Variants in PNKP observed in about 807,000 individuals in gnomAD.
PNKP encodes polynucleotide kinase 3'-phosphatase.
Under a neutral mutation model 66.2 loss-of-function variants are expected in PNKP, and 82 were observed. The ratio of observed to expected loss-of-function variants is 1.24; its 90% CI spans 1.04 to 1.49. The LOEUF is 1.49. Among genes scored for constraint, PNKP ranks in the 40% most tolerant of loss-of-function variants. PNKP has a pLI of 0.00. For missense variants in PNKP, 907 were observed against 706.8 expected (o/e 1.28, Z -3.21); for synonymous variants, 412 against 298.9 (o/e 1.38, Z -3.90).
At position 49,862,570 on chromosome 19, in the gene PNKP, T is replaced by G; in HGVS notation, c.904A>C (p.Lys302Gln). 6.2e-7 allele frequency: 1 copy of G among 1,612,962 alleles called. No individual in the cohort carries two copies. Among genetic ancestry groups the G allele is most frequent in the Non-Finnish European group, 8.5e-7 (1 of 1,179,466 alleles). Residue 302 changes from lysine to glutamine, a missense_variant, in exon 10 of 17, where the codon AAG (lysine) becomes CAG (glutamine). Physicochemically the swap from Lys to Gln is moderately conservative, Grantham distance 53. Transcript: ENST00000322344. ...TCGGCGCAGGAGAAGTCTTTCTTCT[T>G]CCGCCCCGGGGCCCAGTTGGCCGGG... Reference protein sequence around the residue: ...GRPANWAPGRKKKDFSCADRL... With the variant: ...GRPANWAPGRQKKDFSCADRL...
In PNKP at chr19:49,861,610, G is replaced by C; in HGVS notation, c.1384C>G (p.Arg462Gly). ...ATLEQARHNN[R>G]FREMTDSSHI... The stretch of plus-strand genomic sequence containing the variant: ...GTGTCCGGGCTGAGCGGGCTCACCC[G>C]GTTGTTGTGGCGCGCCTGCTCCAGA... Residue 462 changes from arginine (R) to glycine (G), a missense_variant and splice_region_variant, in exon 15 of 17, where the codon CGG (arginine) becomes GGG (glycine). Coordinates refer to ENST00000322344, the MANE Select transcript of PNKP (RefSeq NM_007254.4). The C allele has an allele frequency of 6.4e-7, 1 of 1,557,776 alleles. No individual in the cohort carries two copies. Among genetic ancestry groups the C allele is most frequent in the Non-Finnish European group, 8.7e-7 (1 of 1,151,742 alleles).
rs1181436747 is a variant in PNKP, at chr19:49,865,302, T to C, written c.323A>G (p.Glu108Gly). Reference protein sequence around the residue: ...GLHPLTLRWEETRTPESQPDT... With the variant: ...GLHPLTLRWEGTRTPESQPDT... ...TGGCTGGGATTCTGGTGTGCGGGTCTCTTCCCAGCGCAGGGTCAGTGGGTG... is the reference window on the plus strand; with the variant it reads ...TGGCTGGGATTCTGGTGTGCGGGTCCCTTCCCAGCGCAGGGTCAGTGGGTG... The change falls in exon 4 of 17, where the codon GAG becomes GGG. Residue 108 changes from glutamate (E) to glycine (G), a missense_variant. Coordinates refer to ENST00000322344, the MANE Select transcript of PNKP (RefSeq NM_007254.4). 1 of 1,614,088 alleles carries C rather than the reference T, an allele frequency of 6.2e-7. No homozygotes were observed. Among genetic ancestry groups the C allele is most frequent in the Non-Finnish European group, 8.5e-7 (1 of 1,180,050 alleles).
chr19:49,862,283 T>TGCGAG lies in PNKP; in HGVS notation c.1030-7_1030-3dup, dbSNP rs2074778286. 6.3e-7 allele frequency: 1 copy of TGCGAG among 1,587,118 alleles called. No individual in the cohort carries two copies. Among genetic ancestry groups the TGCGAG allele is most frequent in the Non-Finnish European group, 8.6e-7 (1 of 1,167,012 alleles). The stretch of plus-strand genomic sequence containing the variant: ...AGGCCCTGAGCGGGAGACAGTCCTC[T>TGCGAG]GCGAGGGGCGGGGGACACGCGTGAG... On this transcript the variant is annotated splice_polypyrimidine_tract_variant and splice_region_variant and intron_variant, in intron 11 of 16. Coordinates refer to ENST00000322344, the MANE Select transcript of PNKP (RefSeq NM_007254.4).
chr19:49,864,217 G>C lies in PNKP; in HGVS notation c.598C>G (p.Pro200Ala). 1 of 1,614,192 alleles carries C rather than the reference G, an allele frequency of 6.2e-7. No homozygotes were observed. Among genetic ancestry groups the C allele is most frequent in the Non-Finnish European group, 8.5e-7 (1 of 1,180,032 alleles). Reference sequence around the variant, plus strand: ...GCTTCCAGCTCTCGGAGCTTACGGGGAATCTCTGGGTACAAGATCCTACGG... The same window carrying C: ...GCTTCCAGCTCTCGGAGCTTACGGGCAATCTCTGGGTACAAGATCCTACGG... Reference protein sequence around the residue: ...SDWRILYPEIPRKLRELEAEG... With the variant: ...SDWRILYPEIARKLRELEAEG... The change falls in exon 6 of 17, where the codon CCC becomes GCC. Residue 200 changes from proline (P) to alanine (A), a missense_variant. By Grantham distance (27) the Pro-to-Ala change is conservative (BLOSUM62 -1). Transcript: ENST00000322344.
In PNKP at chr19:49,867,047, C is replaced by T; in HGVS notation, c.151+7G>A. The T allele has an allele frequency of 1.9e-6, 3 of 1,613,738 alleles. No homozygotes were observed. The highest frequency in any genetic ancestry group is 2.5e-6 in the Non-Finnish European group (3 of 1,179,776). On this transcript the variant is annotated splice_region_variant and intron_variant, in intron 2 of 16. Coordinates refer to ENST00000322344, the MANE Select transcript of PNKP (RefSeq NM_007254.4). ...GCCACACCCCCTCCAGCTCAGGCCCCGCTCACCTTGAGTTCTGGAGCACTT... is the reference window on the plus strand; with the variant it reads ...GCCACACCCCCTCCAGCTCAGGCCCTGCTCACCTTGAGTTCTGGAGCACTT...
Position 49,864,214 on chromosome 19 carries a change from G to A in PNKP, c.601C>T (p.Arg201Cys), listed in dbSNP as rs1456488135. Residue 201 changes from arginine (R) to cysteine (C), a missense_variant, in exon 6 of 17, where the codon CGT becomes TGT. Coordinates refer to ENST00000322344, the MANE Select transcript of PNKP (RefSeq NM_007254.4). ...DWRILYPEIP[R>C]KLRELEAEGY... Reference sequence around the variant, plus strand: ...TCGGCTTCCAGCTCTCGGAGCTTACGGGGAATCTCTGGGTACAAGATCCTA... The same window carrying A: ...TCGGCTTCCAGCTCTCGGAGCTTACAGGGAATCTCTGGGTACAAGATCCTA... 8.7e-6 allele frequency: 14 copies of A among 1,614,038 alleles called. No homozygotes were observed. Among genetic ancestry groups the A allele is most frequent in the African/African-American group, 1.3e-5 (1 of 74,924 alleles).
chr19:49,862,243 C>A lies in PNKP; in HGVS notation c.1068G>T (p.Glu356Asp). Residue 356 changes from glutamate (E) to aspartate (D), a missense_variant, in exon 12 of 17, where the codon GAG becomes GAT. Coordinates refer to ENST00000322344, the MANE Select transcript of PNKP (RefSeq NM_007254.4). ...GGCTGGCGCTCAGGAGGGCCCTGGACTCGGGGAGGCAGAGAGGCCCTGAGC... is the reference window on the plus strand; with the variant it reads ...GGCTGGCGCTCAGGAGGGCCCTGGAATCGGGGAGGCAGAGAGGCCCTGAGC... ...VSRSGPLCLP[E>D]SRALLSASPE... is the part of the protein sequence containing the mutation. 1 of 1,610,490 alleles carries A rather than the reference C, an allele frequency of 6.2e-7. No homozygotes were observed. Among genetic ancestry groups the A allele is most frequent in the Non-Finnish European group, 8.5e-7 (1 of 1,178,558 alleles).
In PNKP at chr19:49,865,275, T is replaced by A; in HGVS notation, c.350A>T (p.Asp117Val). The A allele has an allele frequency of 1.2e-6, 2 of 1,614,212 alleles. No homozygotes were observed. The highest frequency in any genetic ancestry group is 1.7e-5 in the Admixed American group (1 of 60,030). Residue 117 changes from aspartate to valine, a missense_variant, in exon 4 of 17, where the codon GAT becomes GTT. Physicochemically the swap from Asp to Val is radical, Grantham distance 152. Coordinates refer to ENST00000322344, the MANE Select transcript of PNKP (RefSeq NM_007254.4). ...EETRTPESQP[D>V]TPPGTPLVSQ... ...CACCAGAGGGGTGCCAGGCGGAGTA[T>A]CTGGCTGGGATTCTGGTGTGCGGGT...
intron 8 of PNKP, 26 bp from the exon 9 acceptor site, chr19:49,862,764 CCTTCCCACAAA>C: frequency 6.2e-7 from 1 of 1,613,652 alleles, no homozygotes; most frequent in Admixed American, 1.7e-5. Flanking sequence ...GTGAGGAGGC[CCTTCCCACAAA>C]TGTCCCCCCG....
rs1464543100 is a variant in PNKP, at chr19:49,864,309, T to A, written c.578+15A>T. The stretch of plus-strand genomic sequence containing the variant: ...CTCCAGGCCTCACTCACTCCCTTGT[T>A]TTGCCTCTTATCACCTCCAGTCACT... On this transcript the variant is annotated intron_variant, in intron 5 of 16. Transcript: ENST00000322344. 1 of 1,613,054 alleles carries A rather than the reference T, an allele frequency of 6.2e-7. No homozygotes were observed. Among genetic ancestry groups the A allele is most frequent in the South Asian group, 1.1e-5 (1 of 91,052 alleles).
In PNKP at chr19:49,861,722, G is replaced by GGCCCCGCCC. The variant is rs1366823356; in HGVS notation, c.1299-36_1299-28dup. On this transcript the variant is annotated intron_variant, in intron 14 of 16. Transcript: ENST00000322344. ...TGTGGGGGAAGGAGCTGGATGTGCA[G>GGCCCCGCCC]GCCCCGCCCACCCCGCCGCAGGCCA... The GGCCCCGCCC allele has an allele frequency of 8.4e-6, 13 of 1,548,886 alleles. No homozygotes were observed. The African/African-American group carries it at 1.2e-4, about 15-fold the overall frequency.
At chr19:49,866,467 T>G in intron 2 of PNKP, 22 bp from the exon 3 acceptor site, 2 of 1,613,006 alleles carry the variant, frequency 1.2e-6, no homozygotes, top group Non-Finnish European at 1.7e-6. Flanking sequence ...AGGGGTGGAG[T>G]CAGGATTTGC....
Position 49,867,042 on chromosome 19 carries a change from G to A in PNKP, c.151+12C>T. 6.2e-7 allele frequency: 1 copy of A among 1,613,570 alleles called. No individual in the cohort carries two copies. The highest frequency in any genetic ancestry group is 8.5e-7 in the Non-Finnish European group (1 of 1,179,652). On this transcript the variant is annotated intron_variant, in intron 2 of 16. Coordinates refer to ENST00000322344, the MANE Select transcript of PNKP (RefSeq NM_007254.4). ...AGCAGGCCACACCCCCTCCAGCTCA[G>A]GCCCCGCTCACCTTGAGTTCTGGAG...
chr19:49,862,104 G>C lies in PNKP; in HGVS notation c.1128C>G (p.Ala376=). 6.2e-7 allele frequency: 1 copy of C among 1,614,154 alleles called. No homozygotes were observed. The highest frequency in any genetic ancestry group is 1.1e-5 in the South Asian group (1 of 91,086). The change falls in exon 13 of 17, where the codon GCC becomes GCG. Residue 376 remains alanine, a splice_region_variant and synonymous_variant. Coordinates refer to ENST00000322344, the MANE Select transcript of PNKP (RefSeq NM_007254.4). ...GCTTCTTGAGAAAGGTGGACTTCCC[G>C]GCTGTGTGGGGGGCAGTGTCGGTGG... The part of the protein sequence containing the change: ...EVVVAVGFPG[A]GKSTFLKKHL...
intron 12 of PNKP, 39 bp from the exon 13 acceptor site, chr19:49,862,144 A>T (rs773452413): frequency 6.2e-7 from 1 of 1,613,734 alleles, no homozygotes; most frequent in African/African-American, 1.3e-5. Flanking sequence ...CCTAGGACCC[A>T]GGCGGGGCTC....
Position 49,864,030 on chromosome 19 carries a change from C to T in PNKP, c.678G>A (p.Lys226=), listed in dbSNP as rs141969535. 247 of 1,613,948 alleles carry T rather than the reference C, an allele frequency of 1.5e-4. No homozygotes were observed. The highest frequency in any genetic ancestry group is 1.6e-4 in the Non-Finnish European group (186 of 1,180,036). ...TGGCCTTGAACTCCTCGGCTGGCAG[C>T]TTCCCGCGCCCGATGCTCATCTGGT... The part of the protein sequence containing the change: ...FTNQMSIGRG[K]LPAEEFKAKV... Residue 226 remains lysine (K), a synonymous_variant, in exon 7 of 17, where the codon AAG becomes AAA. Coordinates refer to ENST00000322344, the MANE Select transcript of PNKP (RefSeq NM_007254.4).
In PNKP at chr19:49,861,647, G is replaced by A. The variant is rs1347277042; in HGVS notation, c.1347C>T (p.Leu449=). ...GCGCCTGCTCCAGAGTGGCGGTGAA[G>A]AGGAAGCAGCGGCAGGGGACGCCCG... is the stretch of plus-strand genomic sequence containing the variant. ...RAAGVPCRCF[L]FTATLEQARH... is the part of the protein sequence containing the mutation. Residue 449 remains leucine (L), a synonymous_variant, in exon 15 of 17, where the codon CTC becomes CTT. Transcript: ENST00000322344. 3 of 1,552,000 alleles carry A rather than the reference G, an allele frequency of 1.9e-6. No individual in the cohort carries two copies. The highest frequency in any genetic ancestry group is 2.4e-5 in the East Asian group (1 of 41,240).
In PNKP at chr19:49,863,114, G is replaced by A. The variant is rs568897244; in HGVS notation, c.817-376C>T. Among the ~76,000 whole-genome samples the A allele has an allele frequency of 1.4e-4, 22 of 152,280 alleles. No homozygotes were observed. The South Asian group carries it at 3.9e-3, about 27-fold the overall frequency. ...TCCCCTCCCTCGCTTAGAGCCAGCC[G>A]CATGGGCCTCGCTGTCCCTAACTAG... On this transcript the variant is annotated intron_variant, in intron 8 of 16. Coordinates refer to ENST00000322344, the MANE Select transcript of PNKP (RefSeq NM_007254.4).
At chr19:49,867,412 C>G in intron 1 of PNKP, 57 bp downstream of exon 1, 1 of 617,660 alleles carries the variant, frequency 1.6e-6, no homozygotes, top group Non-Finnish European at 2.8e-6. Flanking sequence ...GCAATCCCCA[C>G]TTTCCAGCGT....
Sources: gnomAD v4.1 joint callset for allele counts (sites outside exome capture counted in the v4.1 genomes callset) on GRCh38, gnomAD v4.1.1 for gene constraint, MANE v1.5 for transcripts, NCBI Gene and HGNC (gene_info 2026-07-23, HGNC 2026-07-21) for gene names.